The following DOCK10 variants were observed in gnomAD, a reference collection of about 807,000 sequenced individuals.
The protein encoded by DOCK10 is dedicator of cytokinesis protein 10.
In DOCK10, 145 loss-of-function variants were observed where a neutral mutation model predicts 280.1. That is an observed-to-expected ratio of 0.52 (90% CI 0.45 to 0.59). The LOEUF is 0.59. DOCK10 is among the 20% of genes least tolerant of loss of function. The pLI is 0.00. For synonymous variants in DOCK10, 915 were observed against 942.2 expected (o/e 0.97, Z 0.53); for missense variants, 2,368 against 2,651.7 (o/e 0.89, Z 2.35).
At chr2:224,850,398 T>A (rs1696653442) in intron 18 of DOCK10, among the ~76,000 whole-genome samples, 2 of 152,148 alleles carry the variant, frequency 1.3e-5, no homozygotes, top group African/African-American at 4.8e-5. Flanking sequence ...TCTGAAATTA[T>A]CCCTGAGTGA....
Position 224,805,069 on chromosome 2 carries a change from G to A in DOCK10, c.4107C>T (p.Phe1369=). Residue 1369 remains phenylalanine, a synonymous_variant, in exon 37 of 56, where the codon TTC becomes TTT. Coordinates refer to ENST00000258390, the MANE Select transcript of DOCK10 (RefSeq NM_014689.3). The surrounding 1 kb of genome is among the most constrained non-coding windows in gnomAD (Gnocchi z 4.3). ...RAPSPEVSDF[F]SILDVCLQNF... is the part of the protein sequence containing the mutation. Reference sequence around the variant, plus strand: ...ACTCTAAAACTTACTCCAAGATGCTGAAGAAGTCGGACACCTCTGGGCTGG... The same window carrying A: ...ACTCTAAAACTTACTCCAAGATGCTAAAGAAGTCGGACACCTCTGGGCTGG... 6.2e-7 allele frequency: 1 copy of A among 1,608,996 alleles called. No homozygotes were observed.
At chr2:224,955,436 C>T (rs956096172) in intron 1 of DOCK10, among the ~76,000 whole-genome samples, 3 of 152,154 alleles carry the variant, frequency 2.0e-5, no homozygotes, top group African/African-American at 7.2e-5. Context: ...ATGCCAATTG[C>T]TGAGTGTGAA....
chr2:224,841,903 C>T lies in DOCK10; in HGVS notation c.2569-7G>A, dbSNP rs1227277879. On this transcript the variant is annotated splice_region_variant and splice_polypyrimidine_tract_variant and intron_variant, in intron 22 of 55. Coordinates refer to ENST00000258390, the MANE Select transcript of DOCK10 (RefSeq NM_014689.3). The stretch of plus-strand genomic sequence containing the variant: ...ATGCATTCACATGTGGATCCTACAA[C>T]AGCAAAAAAAAAGTATTTATTTCTG... 1 of 1,595,082 alleles carries T rather than the reference C, an allele frequency of 6.3e-7. No homozygotes were observed. Among genetic ancestry groups the T allele is most frequent in the Non-Finnish European group, 8.6e-7 (1 of 1,164,682 alleles).
chr2:224,818,582 T>G (rs1694304994), intron 29 of DOCK10, among the ~76,000 whole-genome samples: 1 of 152,092 alleles, frequency 6.6e-6, no homozygotes, highest in African/African-American at 2.4e-5. Context: ...GTATTTTTAG[T>G]AGAGACAGGG....
intron 53 of DOCK10, among the ~76,000 whole-genome samples, chr2:224,771,931 T>A (rs12694644): frequency 7.5e-6 from 1 of 132,458 alleles, no homozygotes; most frequent in East Asian, 2.0e-4. Context: ...TTTTTTTTTT[T>A]ATTTTTTGAG....
At position 225,023,138 on chromosome 2, in the gene DOCK10, C is replaced by T. The variant is rs144467447; in HGVS notation, c.123+19114G>A. 4.7e-3 allele frequency among the ~76,000 whole-genome samples: 711 copies of T among 152,074 alleles called. 8 individuals are homozygous for T. Among genetic ancestry groups the T allele is most frequent in the African/African-American group, 0.016 (665 of 41,468 alleles). On this transcript the variant is annotated intron_variant, in intron 1 of 55. Transcript: ENST00000258390. ...GCAACCTCTGCCTCCCAGGTTCAAG[C>T]GATTCTCCTGCCTCAGCCTCCCGAG...
chr2:224,941,834 C>G (rs1054677849), intron 1 of DOCK10, among the ~76,000 whole-genome samples: 2 of 134,698 alleles, frequency 1.5e-5, no homozygotes, highest in Admixed American at 7.3e-5. Context: ...ACAGACTGAG[C>G]CTCCATCTCA....
intron 13 of DOCK10, 82 bp downstream of exon 13, chr2:224,864,471 C>T: frequency 7.3e-7 from 1 of 1,360,918 alleles, no homozygotes. Context: ...GATTGTGCCA[C>T]TGCACTCCAG....
chr2:224,998,956 G>A (rs962524531), intron 1 of DOCK10, among the ~76,000 whole-genome samples: 1 of 152,198 alleles, frequency 6.6e-6, no homozygotes, highest in African/African-American at 2.4e-5. Context: ...AGAGGCCCAA[G>A]CAGGTGGATC....
chr2:224,837,187 G>A (rs781338652), intron 25 of DOCK10, among the ~76,000 whole-genome samples: 2 of 152,152 alleles, frequency 1.3e-5, no homozygotes, highest in Non-Finnish European at 2.9e-5. Context: ...TAATCCACAG[G>A]CCAACTGGAA....
At chr2:224,890,523 C>T (rs2125790715) in intron 4 of DOCK10, among the ~76,000 whole-genome samples, 1 of 152,306 alleles carries the variant, frequency 6.6e-6, no homozygotes, top group East Asian at 1.9e-4. Flanking sequence ...ATGACCAACT[C>T]AGCTCAGAAT....
At chr2:224,929,750 T>C (rs997968142) in intron 2 of DOCK10, among the ~76,000 whole-genome samples, 1 of 152,174 alleles carries the variant, frequency 6.6e-6, no homozygotes, top group African/African-American at 2.4e-5. Context: ...TAAATGAGCA[T>C]GGGAAGATGC....
chr2:224,800,046 A>G, intron 41 of DOCK10, 105 bp downstream of exon 41: 1 of 623,594 alleles, frequency 1.6e-6, no homozygotes, highest in Non-Finnish European at 2.8e-6. Context: ...ATATAAGGTT[A>G]ATTGATTTCA....
chr2:224,945,281 A>G (rs4674951), intron 1 of DOCK10, among the ~76,000 whole-genome samples: 91,759 of 151,992 alleles, frequency 0.6, 27,968 homozygotes, highest in Non-Finnish European at 0.64. Flanking sequence ...ACAGGCTGAC[A>G]AGGCTCTTTT....
rs562050912 is a variant in DOCK10 at position 225,026,892 on chromosome 2, G to A, written c.123+15360C>T. Among the ~76,000 whole-genome samples, 4 of 152,236 alleles carry A rather than the reference G, an allele frequency of 2.6e-5. No homozygotes were observed. The East Asian group carries it at 7.7e-4, about 29-fold the overall frequency. On this transcript the variant is annotated intron_variant, in intron 1 of 55. Coordinates refer to ENST00000258390, the MANE Select transcript of DOCK10 (RefSeq NM_014689.3). ...AATAATACTTGATCCACTCTTCTGT[G>A]ACCAGATATATAGTGAATCTCTGTT...
rs745882059 is a variant in DOCK10, at chr2:224,853,119, C to G, written c.1892G>C (p.Cys631Ser). 9 of 1,563,208 alleles carry G rather than the reference C, an allele frequency of 5.8e-6. No homozygotes were observed. In the South Asian group the frequency reaches 1.1e-4, roughly 19 times the overall value. The change falls in exon 17 of 56, where the codon TGT becomes TCT. Residue 631 changes from cysteine (C) to serine (S), a missense_variant. Cys to Ser is a moderately radical substitution (Grantham distance 112). This residue lies in a region of DOCK10 where 1,209 missense variants were observed against 1,250.9 expected (regional missense o/e 0.97). Transcript: ENST00000258390. ...VDNVPLEHPN[C>S]VTSSFIPVKP... ...GACAGGGATAAAGGACGATGTTACA[C>G]AATCTTAAAAAATCAGAAAATAAGA...
chr2:224,819,481 T>G lies in DOCK10; in HGVS notation c.3232A>C (p.Asn1078His). The change falls in exon 29 of 56, where the codon AAT becomes CAT. Residue 1078 changes from asparagine to histidine, a missense_variant. This residue lies in a region of DOCK10 where 1,159 missense variants were observed against 1,400.8 expected (regional missense o/e 0.83). Coordinates refer to ENST00000258390, the MANE Select transcript of DOCK10 (RefSeq NM_014689.3). ...CCGGAGGAGAACATGCTGATGTAAT[T>G]GTTGACCATCTTAAACACATACCCT... The part of the protein sequence containing the change: ...DRGYVFKMVN[N>H]YISMFSSGDL... 1 of 1,611,684 alleles carries G rather than the reference T, an allele frequency of 6.2e-7. No individual in the cohort carries two copies. Among genetic ancestry groups the G allele is most frequent in the East Asian group, 2.2e-5 (1 of 44,748 alleles).
intron 50 of DOCK10, among the ~76,000 whole-genome samples, chr2:224,781,295 C>T (rs1040903962): frequency 6.6e-6 from 1 of 152,124 alleles, no homozygotes; most frequent in African/African-American, 2.4e-5. Context: ...GTGATTGGAA[C>T]CTTTTTCTAA....
At chr2:224,859,237 T>C (rs917339934) in intron 14 of DOCK10, among the ~76,000 whole-genome samples, 1 of 152,168 alleles carries the variant, frequency 6.6e-6, no homozygotes, top group Non-Finnish European at 1.5e-5. Context: ...GAGAATGAAA[T>C]GTTTATTTTA....
Sources: allele counts gnomAD v4.1 joint callset (sites outside exome capture counted in the v4.1 genomes callset), GRCh38; gene constraint gnomAD v4.1.1; regional missense constraint gnomAD v4.1.1; non-coding constraint Gnocchi (gnomAD v3.1); transcripts MANE v1.5; gene names NCBI Gene and HGNC (gene_info 2026-07-23, HGNC 2026-07-21).